FHIT: variants seen among roughly 807,000 people sequenced by gnomAD.
The protein encoded by FHIT is bis(5'-adenosyl)-triphosphatase.
A neutral mutation model predicts 17.9 loss-of-function variants in FHIT; 19 were observed. The ratio of observed to expected loss-of-function variants is 1.06; its 90% confidence interval spans 0.74 to 1.56. FHIT has a LOEUF of 1.56. Among genes scored for constraint, FHIT ranks in the 40% most tolerant of loss-of-function variants. The pLI is 0.00. For synonymous variants in FHIT, 81 were observed against 69.7 expected (o/e 1.16, Z -0.81); for missense variants, 248 against 189.2 (o/e 1.31, Z -1.82).
intron 4 of FHIT, among the ~76,000 whole-genome samples, chr3:60,778,017 G>A (rs1036945644): frequency 5.9e-5 from 9 of 152,182 alleles, no homozygotes; most frequent in Non-Finnish European, 1.2e-4. Context: ...GGCCCCCGAT[G>A]TGTCCAGAAC....
chr3:60,765,786 T>A (rs1314732781), intron 4 of FHIT, among the ~76,000 whole-genome samples: 1 of 152,190 alleles, frequency 6.6e-6, no homozygotes, highest in African/African-American at 2.4e-5. Context: ...GTGGGTACCA[T>A]CCGATCGGCT....
chr3:60,232,071 T>C (rs1266051305), intron 5 of FHIT, among the ~76,000 whole-genome samples: 3 of 152,180 alleles, frequency 2.0e-5, no homozygotes, highest in Non-Finnish European at 4.4e-5. Flanking sequence ...GCTCTTCAGT[T>C]CATTCTTGAA....
At chr3:60,221,577 G>A (rs990468672) in intron 5 of FHIT, among the ~76,000 whole-genome samples, 52 of 152,154 alleles carry the variant, frequency 3.4e-4, no homozygotes, top group African/African-American at 1.1e-3. Flanking sequence ...TTTCCCACAA[G>A]GCTCCTTCAT....
In FHIT at chr3:60,592,831, G is replaced by C. The variant is rs1243597274; in HGVS notation, c.-17-55852C>G. ...GTAGTAGGAAAGTAGCCTGAGTCTG[G>C]AGAGAGTGAGTAGAGCCTCCGTGAG... On this transcript the variant is annotated intron_variant, in intron 4 of 9. Transcript: ENST00000492590. Among the ~76,000 whole-genome samples the C allele has an allele frequency of 2.0e-5, 3 of 152,206 alleles. No homozygotes were observed. The South Asian group carries it at 6.2e-4, about 32-fold the overall frequency.
intron 2 of FHIT, among the ~76,000 whole-genome samples, chr3:61,048,125 G>C (rs2033883281): frequency 6.6e-6 from 1 of 151,914 alleles, no homozygotes; most frequent in Non-Finnish European, 1.5e-5. Flanking sequence ...ATTGACAAAT[G>C]GGATCTAATT....
intron 7 of FHIT, among the ~76,000 whole-genome samples, chr3:59,983,854 T>C (rs1708765842): frequency 1.3e-5 from 2 of 152,080 alleles, no homozygotes. Context: ...GTATTACCCC[T>C]GTGGCCAAAG....
rs1699874252 is a variant in FHIT at position 60,005,153 on chromosome 3, T to G, written c.279+6218A>C. Among the ~76,000 whole-genome samples the G allele has an allele frequency of 2.6e-5, 4 of 152,294 alleles. No individual in the cohort carries two copies. The South Asian group carries it at 8.3e-4, about 32-fold the overall frequency. ...TCACCCTCATCCCTGCTTCAGGATC[T>G]CTCTCATCTCTTTCACCTTAGCTGC... On this transcript the variant is annotated intron_variant, in intron 7 of 9. Coordinates refer to ENST00000492590, the MANE Select transcript of FHIT (RefSeq NM_002012.4).
chr3:60,707,911 C>A (rs2041415881), intron 4 of FHIT, among the ~76,000 whole-genome samples: 1 of 152,122 alleles, frequency 6.6e-6, no homozygotes, highest in Non-Finnish European at 1.5e-5. Context: ...TTTAAATAGT[C>A]TTCAAAAGCT....
At chr3:60,743,739 G>C (rs895717326) in intron 4 of FHIT, among the ~76,000 whole-genome samples, 16 of 152,278 alleles carry the variant, frequency 1.1e-4, no homozygotes, top group Admixed American at 2.6e-4. Flanking sequence ...ACATGATGAG[G>C]GGCCTGGAGG....
chr3:60,534,439 C>CAAAAAAAAAAAAAAAAAAAAAAA (rs563992117), intron 5 of FHIT, among the ~76,000 whole-genome samples: 2 of 32,406 alleles, frequency 6.2e-5, no homozygotes, highest in Non-Finnish European at 5.2e-5. Flanking sequence ...GACTCCGTCT[C>CAAAAAAAAAAAAAAAAAAAAAAA]AAAAAAAAAA....
intron 3 of FHIT, among the ~76,000 whole-genome samples, chr3:60,945,844 T>C (rs1708617967): frequency 6.6e-6 from 1 of 151,762 alleles, no homozygotes; most frequent in South Asian, 2.1e-4. Context: ...CATTGGAGAG[T>C]TGAGGTACAG....
chr3:60,678,571 T>A (rs186383705), intron 4 of FHIT, among the ~76,000 whole-genome samples: 129 of 152,272 alleles, frequency 8.5e-4, no homozygotes, highest in African/African-American at 3.0e-3. Context: ...CAAAATGTCA[T>A]CAAAATCTAG....
chr3:61,046,070 A>C (rs573819062), intron 2 of FHIT, among the ~76,000 whole-genome samples: 1 of 152,288 alleles, frequency 6.6e-6, no homozygotes, highest in East Asian at 1.9e-4. Context: ...TAACATTACA[A>C]TTAAAAGAAC....
At chr3:61,111,177 A>G (rs1332498798) in intron 2 of FHIT, among the ~76,000 whole-genome samples, 3 of 152,208 alleles carry the variant, frequency 2.0e-5, no homozygotes, top group Non-Finnish European at 2.9e-5. Flanking sequence ...TGAGCATATC[A>G]TTTACCCACT....
In FHIT at chr3:59,748,067, C is replaced by CAGAG. The variant is rs1238858782; in HGVS notation, c.*1514_*1517dup. Among the ~76,000 whole-genome samples the CAGAG allele has an allele frequency of 6.6e-6, 1 of 152,134 alleles. No individual in the cohort carries two copies. Among genetic ancestry groups the CAGAG allele is most frequent in the Non-Finnish European group, 1.5e-5 (1 of 68,022 alleles). The stretch of plus-strand genomic sequence containing the variant: ...TGGTGGCTAGCCTCACTTTTTAACA[C>CAGAG]AGAGACTGAATCTCACTCCTAGTTG... On this transcript the variant is annotated 3_prime_UTR_variant, in exon 10 of 10. Coordinates refer to ENST00000492590, the MANE Select transcript of FHIT (RefSeq NM_002012.4).
intron 4 of FHIT, among the ~76,000 whole-genome samples, chr3:60,547,412 C>G (rs116078060): frequency 0.016 from 2,422 of 152,138 alleles, 61 homozygotes; most frequent in African/African-American, 0.054. Context: ...GTAATTGAAC[C>G]CTACTCTCTC....
intron 5 of FHIT, among the ~76,000 whole-genome samples, chr3:60,455,446 G>C (rs183225525): frequency 1.3e-5 from 2 of 152,116 alleles, no homozygotes; most frequent in African/African-American, 4.8e-5. Context: ...CTACATGCAC[G>C]TCTTCAAAAC....
chr3:60,237,648 C>A (rs73832550), intron 5 of FHIT, among the ~76,000 whole-genome samples: 1 of 152,120 alleles, frequency 6.6e-6, no homozygotes, highest in Non-Finnish European at 1.5e-5. Flanking sequence ...AAGCGCTCCA[C>A]TGACCCCAAA....
intron 5 of FHIT, among the ~76,000 whole-genome samples, chr3:60,321,337 G>A (rs989038190): frequency 5.9e-5 from 9 of 152,046 alleles, no homozygotes; most frequent in East Asian, 1.9e-4. Context: ...ATAGCCAGGC[G>A]TGGTGGCATA....
Sources: allele counts gnomAD v4.1 joint callset (sites outside exome capture counted in the v4.1 genomes callset), GRCh38; gene constraint gnomAD v4.1.1; transcripts MANE v1.5; gene names NCBI Gene and HGNC (gene_info 2026-07-23, HGNC 2026-07-21).